Variants in WWC2 observed in about 807,000 individuals in gnomAD.
WWC2 encodes protein WWC2.
A neutral mutation model predicts 138.5 loss-of-function variants in WWC2; 101 were observed. The observed-to-expected ratio is 0.73, with a 90% confidence interval of 0.62 to 0.86. The LOEUF (loss-of-function observed/expected upper bound fraction) is 0.86, where lower values mean the gene tolerates loss of function less well. Among genes scored for constraint, WWC2 ranks in the 40% least tolerant of loss-of-function variants. The probability of loss-of-function intolerance (pLI) is 0.00; values close to 1 mark genes in which losing one functional copy is unlikely to be tolerated. For missense variants in WWC2, 1,420 were observed against 1,419.4 expected, an observed-to-expected ratio of 1.00 and a Z score of -0.01; for synonymous variants, 558 against 538.4, an observed-to-expected ratio of 1.04 and a Z score of -0.50.
At chr4:183,310,976 T>G (rs1172677545) in intron 21 of WWC2, among the ~76,000 whole-genome samples, 1 of 152,086 alleles carries the variant, frequency 6.6e-6, no homozygotes, top group Non-Finnish European at 1.5e-5. Flanking sequence ...TTATTCCCAG[T>G]GTACAAATGG....
At chr4:183,243,947 A>G (rs551400212) in intron 5 of WWC2, among the ~76,000 whole-genome samples, 12 of 152,320 alleles carry the variant, frequency 7.9e-5, no homozygotes, top group Non-Finnish European at 1.2e-4. Flanking sequence ...TACATTATCT[A>G]TAAACCGCTC....
chr4:183,269,913 T>C lies in WWC2; in HGVS notation c.2400+750T>C, dbSNP rs532022824. The C allele has an allele frequency of 7.6e-5, 12 of 158,828 alleles. No individual in the cohort carries two copies. In the East Asian group the frequency reaches 2.1e-3, roughly 28 times the overall value. 9.8% of individuals were successfully genotyped at this position (158,828 alleles called of 1,614,324 possible). On this transcript the variant is annotated intron_variant, in intron 15 of 22. Coordinates refer to ENST00000403733, the MANE Select transcript of WWC2 (RefSeq NM_024949.6). ...ACCATTATGTCCCAGTAAAGTTACA[T>C]AAGTATTCAAATGCAGGCATCTAGA...
At position 183,319,580 on chromosome 4, in the gene WWC2, C is replaced by A. The variant is rs772319025; in HGVS notation, c.*3851C>A. ...CTTAGTGTTTCAGGTTGGTGTTTCT[C>A]GTCTCCAGTTCTTGATGATGATCTT... On this transcript the variant is annotated 3_prime_UTR_variant, in exon 23 of 23. Transcript: ENST00000403733. 1.2e-6 allele frequency: 2 copies of A among 1,612,478 alleles called. No homozygotes were observed. Among genetic ancestry groups the A allele is most frequent in the Non-Finnish European group, 1.7e-6 (2 of 1,179,346 alleles).
chr4:183,286,874 G>T (rs1357778663), intron 20 of WWC2, among the ~76,000 whole-genome samples: 1 of 152,084 alleles, frequency 6.6e-6, no homozygotes, highest in Admixed American at 6.6e-5. Flanking sequence ...GAGTCAGAAG[G>T]GCTCAGTTGA....
chr4:183,299,943 G>A (rs1267680516), intron 21 of WWC2, among the ~76,000 whole-genome samples: 1 of 152,116 alleles, frequency 6.6e-6, no homozygotes, highest in East Asian at 1.9e-4. Flanking sequence ...AGGTCTCAGG[G>A]TCACACTCCT....
chr4:183,173,677 G>A (rs2111168364), intron 1 of WWC2, among the ~76,000 whole-genome samples: 1 of 151,996 alleles, frequency 6.6e-6, no homozygotes, highest in African/African-American at 2.4e-5. Context: ...GTTGAGATTG[G>A]AGATGCCACA....
At position 183,286,162 on chromosome 4, in the gene WWC2, T is replaced by C. The variant is rs111441398; in HGVS notation, c.3141+103T>C. ...CTACAGAATGAATGTCAGTGCTCCATGCGCTTGGCCTACTGAATGCAGCCA... is the reference window on the plus strand; with the variant it reads ...CTACAGAATGAATGTCAGTGCTCCACGCGCTTGGCCTACTGAATGCAGCCA... On this transcript the variant is annotated intron_variant, in intron 20 of 22. Transcript: ENST00000403733. 88 of 1,124,772 alleles carry C rather than the reference T, an allele frequency of 7.8e-5. No homozygotes were observed. In the African/African-American group the frequency reaches 1.2e-3, roughly 15 times the overall value. 69.7% of individuals were successfully genotyped at this position (1,124,772 alleles called of 1,614,324 possible).
intron 1 of WWC2, among the ~76,000 whole-genome samples, chr4:183,174,811 G>C (rs1375709232): frequency 4.7e-5 from 7 of 150,304 alleles, no homozygotes; most frequent in African/African-American, 1.2e-4. Flanking sequence ...CTCTCTCTCT[G>C]TCTCTCTCTC....
intron 5 of WWC2, among the ~76,000 whole-genome samples, chr4:183,242,886 A>G (rs896372294): frequency 1.3e-5 from 2 of 152,232 alleles, no homozygotes; most frequent in Non-Finnish European, 2.9e-5. Context: ...GTTAGGGTCA[A>G]AAGAGAAAAG....
Position 183,317,340 on chromosome 4 carries a change from T to C in WWC2, c.*1611T>C, listed in dbSNP as rs576986919. On this transcript the variant is annotated 3_prime_UTR_variant, in exon 23 of 23. Coordinates refer to ENST00000403733, the MANE Select transcript of WWC2 (RefSeq NM_024949.6). ...AGAACTTTAATTACTTTTTCCTAAATGTCCCAACACTTACATACAAATTTC... is the reference window on the plus strand; with the variant it reads ...AGAACTTTAATTACTTTTTCCTAAACGTCCCAACACTTACATACAAATTTC... 8.5e-5 allele frequency: 13 copies of C among 152,534 alleles called. No individual in the cohort carries two copies. The highest frequency in any genetic ancestry group is 2.9e-4 in the African/African-American group (12 of 41,602). 9.4% of individuals were successfully genotyped at this position (152,534 alleles called of 1,614,324 possible). A position where few individuals can be genotyped will look rare whatever the true frequency, so the allele number is the denominator to read the frequency against.
chr4:183,164,347 AT>A (rs1358975113), intron 1 of WWC2, among the ~76,000 whole-genome samples: 21 of 348 alleles, frequency 0.06, no homozygotes, highest in African/African-American at 0.11. Flanking sequence ...ACATATATAT[AT>A]TATATATACA....
chr4:183,259,656 G>C lies in WWC2; in HGVS notation c.1214G>C (p.Arg405Thr). The C allele has an allele frequency of 6.5e-7, 1 of 1,542,924 alleles. No individual in the cohort carries two copies. Among genetic ancestry groups the C allele is most frequent in the South Asian group, 1.2e-5 (1 of 80,518 alleles). ...ALAERLRLEE[R>T]RKELLQKLEE... ...CTTCCTAGATTGAGATTGGAAGAGA[G>C]AAGAAAAGAGCTGCTACAGAAACTT... The change falls in exon 10 of 23, where the codon AGA becomes ACA. Residue 405 changes from arginine (R) to threonine (T), a missense_variant. Arg to Thr is a moderately conservative substitution (Grantham distance 71). Transcript: ENST00000403733.
chr4:183,193,490 TC>T, intron 1 of WWC2, 108 bp from the exon 2 acceptor site: 1 of 909,968 alleles, frequency 1.1e-6, no homozygotes, highest in Non-Finnish European at 1.7e-6. Flanking sequence ...TTTTTTTTTT[TC>T]TTTAAGATTT....
chr4:183,184,359 AT>A (rs769589126), intron 1 of WWC2, among the ~76,000 whole-genome samples: 1 of 152,022 alleles, frequency 6.6e-6, no homozygotes, highest in South Asian at 2.1e-4. Context: ...ATATACCACA[AT>A]TTTTTTATCC....
intron 12 of WWC2, 131 bp from the exon 13 acceptor site, chr4:183,265,556 TC>T: frequency 2.2e-6 from 2 of 918,996 alleles, no homozygotes; most frequent in Non-Finnish European, 3.4e-6. Flanking sequence ...TTCGCTGGGA[TC>T]AGTTCCACTG....
Position 183,289,521 on chromosome 4 carries a change from G to T in WWC2, c.3270G>T (p.Leu1090=), listed in dbSNP as rs1168921141. The change falls in exon 21 of 23, where the codon CTG becomes CTT. Residue 1090 remains leucine, a synonymous_variant. Coordinates refer to ENST00000403733, the MANE Select transcript of WWC2 (RefSeq NM_024949.6). ...QSRLNDELQA[L]RDLRQKLEEL... The stretch of plus-strand genomic sequence containing the variant: ...GCCTCAATGATGAGCTGCAGGCGCT[G>T]AGGGACTTGCGGCAGAAGCTGGAGG... 6.2e-7 allele frequency: 1 copy of T among 1,613,878 alleles called. No homozygotes were observed. Among genetic ancestry groups the T allele is most frequent in the Non-Finnish European group, 8.5e-7 (1 of 1,179,884 alleles).
intron 1 of WWC2, among the ~76,000 whole-genome samples, chr4:183,169,080 G>A (rs936976198): frequency 1.4e-4 from 22 of 152,022 alleles, no homozygotes; most frequent in Admixed American, 3.9e-4. Context: ...ACTCCTGACC[G>A]CAGATGATCT....
intron 1 of WWC2, among the ~76,000 whole-genome samples, chr4:183,148,817 G>A (rs1177369559): frequency 2.6e-5 from 4 of 152,142 alleles, no homozygotes; most frequent in African/African-American, 9.7e-5. Context: ...AAAGCATTTA[G>A]TGTAGATGAG....
intron 1 of WWC2, among the ~76,000 whole-genome samples, chr4:183,114,664 A>G (rs948699135): frequency 2.4e-5 from 3 of 125,764 alleles, no homozygotes; most frequent in African/African-American, 1.0e-4. Flanking sequence ...TCACTGGAAC[A>G]TACCTTTTTT....
Sources: gnomAD v4.1 joint callset for allele counts (sites outside exome capture counted in the v4.1 genomes callset) on GRCh38, gnomAD v4.1.1 for gene constraint, MANE v1.5 for transcripts, NCBI Gene and HGNC (gene_info 2026-07-23, HGNC 2026-07-21) for gene names.